BRD1: variants seen among roughly 807,000 people sequenced by gnomAD.
BRD1 encodes bromodomain containing 1, also known as bromodomain-containing protein 1.
Under a neutral mutation model 107.7 loss-of-function variants are expected in BRD1, and 24 were observed. The observed-to-expected ratio is 0.22, with a 90% CI of 0.16 to 0.31. The LOEUF (loss-of-function observed/expected upper bound fraction) is 0.31. BRD1 is among the 10% of genes least tolerant of loss of function. The probability of loss-of-function intolerance (pLI) is 1.00; values close to 1 mark genes in which losing one functional copy is unlikely to be tolerated. For missense variants in BRD1, 1,279 were observed against 1,638.6 expected, an observed-to-expected ratio of 0.78 and a Z score of 3.79; for synonymous variants, 744 against 686.1, an observed-to-expected ratio of 1.08 and a Z score of -1.32.
chr22:49,823,978 C>G lies in BRD1; in HGVS notation c.340G>C (p.Ala114Pro), dbSNP rs1384955780. The G allele has an allele frequency of 1.2e-6, 2 of 1,613,996 alleles. No homozygotes were observed. Among genetic ancestry groups the G allele is most frequent in the Non-Finnish European group, 1.7e-6 (2 of 1,180,026 alleles). ...LPSAHGTPAS[A>P]SALPEPKVRI... ...ACCTTGGGCTCCGGGAGGGCACTGG[C>G]CGAGGCCGGCGTGCCGTGGGCGCTG... is the stretch of plus-strand genomic sequence containing the variant. The change falls in exon 2 of 13, where the codon GCC becomes CCC. Residue 114 changes from alanine to proline, a missense_variant. By Grantham distance (27) the Ala-to-Pro change is conservative (BLOSUM62 -1). Coordinates refer to ENST00000404760, the MANE Select transcript of BRD1 (RefSeq NM_001304808.3).
rs746153327 is a variant in BRD1, at chr22:49,774,262, G to C, written c.3541C>G (p.Pro1181Ala). 1 of 1,614,016 alleles carries C rather than the reference G, an allele frequency of 6.2e-7. No individual in the cohort carries two copies. Among genetic ancestry groups the C allele is most frequent in the Non-Finnish European group, 8.5e-7 (1 of 1,179,934 alleles). ...MNHLSRVHGE[P>A]TSDLSDID ...TCAATGTCACTGAGGTCGCTGGTCG[G>C]CTCCCCGTGGACGCGGCTCAGGTGG... Residue 1181 changes from proline (P) to alanine (A), a missense_variant, in exon 13 of 13, where the codon CCG becomes GCG. Pro to Ala is a conservative substitution (Grantham distance 27, BLOSUM62 -1). This residue lies in a region of BRD1 where 136 missense variants were observed against 196.8 expected (regional missense o/e 0.69). Coordinates refer to ENST00000404760, the MANE Select transcript of BRD1 (RefSeq NM_001304808.3).
At chr22:49,820,249 T>C (rs1225879473) in intron 2 of BRD1, among the ~76,000 whole-genome samples, 1 of 152,358 alleles carries the variant, frequency 6.6e-6, no homozygotes, top group East Asian at 1.9e-4. Context: ...CCACAGGGAA[T>C]AAGGAAGATC....
Position 49,787,890 on chromosome 22 carries a change from GA to G in BRD1, c.2360-4del. On this transcript the variant is annotated splice_region_variant and splice_polypyrimidine_tract_variant and intron_variant, in intron 7 of 12. Transcript: ENST00000404760. ...AAGTTTAGGGGGAGATTTATCTCCT[GA>G]AAAAATTATAAATAAAGTGATTTTT... 3 of 1,498,236 alleles carry G rather than the reference GA, an allele frequency of 2.0e-6. 1 individual carries two copies. In the African/African-American group the frequency reaches 4.3e-5, roughly 21 times the overall value. 92.8% of individuals were successfully genotyped at this position (1,498,236 alleles called of 1,614,324 possible).
At chr22:49,816,655 T>G (rs1763705256) in intron 2 of BRD1, among the ~76,000 whole-genome samples, 2 of 152,122 alleles carry the variant, frequency 1.3e-5, no homozygotes, top group Non-Finnish European at 2.9e-5. Flanking sequence ...TCTCAACACT[T>G]TGGGAGGCCT....
At chr22:49,820,121 C>G (rs1329706334) in intron 2 of BRD1, among the ~76,000 whole-genome samples, 1 of 151,722 alleles carries the variant, frequency 6.6e-6, no homozygotes, top group African/African-American at 2.4e-5. Flanking sequence ...CAAAGCAAGA[C>G]TCCACCTCAA....
At chr22:49,781,082 C>A (rs1002334433) in intron 8 of BRD1, among the ~76,000 whole-genome samples, 1 of 152,168 alleles carries the variant, frequency 6.6e-6, no homozygotes, top group Non-Finnish European at 1.5e-5. Flanking sequence ...CAGGAAAGAG[C>A]CGCTGCCCCA....
At chr22:49,796,284 C>T (rs1328414738) in intron 6 of BRD1, among the ~76,000 whole-genome samples, 2 of 151,584 alleles carry the variant, frequency 1.3e-5, no homozygotes, top group East Asian at 3.9e-4. Flanking sequence ...TTAGTACAGA[C>T]AGGGTTTCAC....
At chr22:49,808,991 C>T (rs1350638747) in intron 2 of BRD1, among the ~76,000 whole-genome samples, 3 of 151,882 alleles carry the variant, frequency 2.0e-5, no homozygotes, top group African/African-American at 7.3e-5. Context: ...TGATGGCACA[C>T]GCCCGTAATC....
intron 3 of BRD1, among the ~76,000 whole-genome samples, chr22:49,802,790 C>G (rs886314181): frequency 2.0e-5 from 3 of 152,262 alleles, no homozygotes; most frequent in Admixed American, 1.3e-4. Flanking sequence ...CCGTGCTGTC[C>G]TTTCCAGGAG....
intron 2 of BRD1, 65 bp from the exon 3 acceptor site, chr22:49,804,425 G>C: frequency 2.0e-6 from 3 of 1,511,162 alleles, no homozygotes; most frequent in Non-Finnish European, 2.7e-6. Flanking sequence ...ACATAAACTA[G>C]AAATGACAGT....
intron 8 of BRD1, among the ~76,000 whole-genome samples, chr22:49,780,961 T>A (rs1601611038): frequency 6.6e-6 from 1 of 152,064 alleles, no homozygotes; most frequent in Non-Finnish European, 1.5e-5. Context: ...CTCTAAATCA[T>A]GTAAATAGCA....
Position 49,787,896 on chromosome 22 carries a change from A to T in BRD1, c.2360-9T>A. 2 of 1,495,304 alleles carry T rather than the reference A, an allele frequency of 1.3e-6. No individual in the cohort carries two copies. The highest frequency in any genetic ancestry group is 1.3e-5 in the South Asian group (1 of 76,700). 92.6% of individuals were successfully genotyped at this position (1,495,304 alleles called of 1,614,324 possible). A position where few individuals can be genotyped will look rare whatever the true frequency, so the allele number is the denominator to read the frequency against. Reference sequence around the variant, plus strand: ...AGGGGGAGATTTATCTCCTGAAAAAATTATAAATAAAGTGATTTTTGAAAA... The same window carrying T: ...AGGGGGAGATTTATCTCCTGAAAAATTTATAAATAAAGTGATTTTTGAAAA... On this transcript the variant is annotated splice_polypyrimidine_tract_variant and intron_variant, in intron 7 of 12. Coordinates refer to ENST00000404760, the MANE Select transcript of BRD1 (RefSeq NM_001304808.3).
chr22:49,796,830 A>ACGATGGCGGGAACGTGGACCCCG (rs933023679), intron 6 of BRD1, among the ~76,000 whole-genome samples: 11 of 142,194 alleles, frequency 7.7e-5, no homozygotes, highest in African/African-American at 2.4e-4. Flanking sequence ...AGCGGACCCC[A>ACGATGGCGGGAACGTGGACCCCG]CGATGGCGGG....
intron 2 of BRD1, among the ~76,000 whole-genome samples, chr22:49,818,835 G>A (rs1017048657): frequency 5.3e-5 from 8 of 151,896 alleles, no homozygotes; most frequent in East Asian, 1.9e-4. Flanking sequence ...GTAGTGAGCC[G>A]AGATCGTGCC....
At chr22:49,801,926 G>A (rs904246993) in intron 3 of BRD1, among the ~76,000 whole-genome samples, 11 of 152,174 alleles carry the variant, frequency 7.2e-5, no homozygotes, top group Non-Finnish European at 1.5e-4. Context: ...TCTGGCCCTC[G>A]TGTCCCAGCT....
At chr22:49,797,051 T>C (rs555134396) in intron 6 of BRD1, among the ~76,000 whole-genome samples, 10 of 152,360 alleles carry the variant, frequency 6.6e-5, no homozygotes, top group South Asian at 6.2e-4. Flanking sequence ...GCTGGAGCTC[T>C]ATGTGCTTTG....
Position 49,787,537 on chromosome 22 carries a change from G to A in BRD1, c.2710C>T (p.Pro904Ser). Residue 904 changes from proline to serine, a missense_variant, in exon 8 of 13, where the codon CCA becomes TCA. This residue lies in a region of BRD1 where 263 missense variants were observed against 251.6 expected (regional missense o/e 1.05). Transcript: ENST00000404760. ...TTGGTCCCTAGCTGAGGAGAAGTTG[G>A]CTGGGTTTCAGTGTTCTTGGCAGAC... is the stretch of plus-strand genomic sequence containing the variant. ...PKSAKNTETQ[P>S]TSPQLGTKTF... is the part of the protein sequence containing the mutation. The A allele has an allele frequency of 1.9e-6, 3 of 1,609,144 alleles. No individual in the cohort carries two copies. The highest frequency in any genetic ancestry group is 2.5e-6 in the Non-Finnish European group (3 of 1,177,632).
Position 49,774,373 on chromosome 22 carries a change from C to T in BRD1, c.3430G>A (p.Glu1144Lys), listed in dbSNP as rs1046139158. The T allele has an allele frequency of 9.3e-6, 15 of 1,613,764 alleles. No individual in the cohort carries two copies. The highest frequency in any genetic ancestry group is 1.7e-5 in the Admixed American group (1 of 59,974). Residue 1144 changes from glutamate to lysine, a missense_variant, in exon 13 of 13, where the codon GAA becomes AAA. Glu to Lys is a moderately conservative substitution (Grantham distance 56). Coordinates refer to ENST00000404760, the MANE Select transcript of BRD1 (RefSeq NM_001304808.3). The part of the protein sequence containing the change: ...KSKMVPLGID[E>K]TIDKLKMMEG... ...ATCATCTTTAACTTGTCTATAGTTT[C>T]GTCAATACCAAGGGGAACCATTTTG... is the stretch of plus-strand genomic sequence containing the variant.
rs2059124779 is a variant in BRD1 at position 49,777,552 on chromosome 22, TC to T, written c.2993+125del. 2.2e-6 allele frequency: 3 copies of T among 1,354,162 alleles called. No homozygotes were observed. In the African/African-American group the frequency reaches 4.3e-5, roughly 20 times the overall value. The allele number at this position is 1,354,162 out of a possible 1,614,324, so 83.9% of individuals were successfully genotyped here. On this transcript the variant is annotated intron_variant, in intron 9 of 12. Coordinates refer to ENST00000404760, the MANE Select transcript of BRD1 (RefSeq NM_001304808.3). ...TCCACAAGGGCAGAGCACACATGAA[TC>T]CCAGGCCAGAATTTTTCAGAGAACA...
Sources: gnomAD v4.1 joint callset for allele counts (sites outside exome capture counted in the v4.1 genomes callset) on GRCh38, gnomAD v4.1.1 for gene constraint, gnomAD v4.1.1 regional missense constraint, MANE v1.5 for transcripts, NCBI Gene and HGNC (gene_info 2026-07-23, HGNC 2026-07-21) for gene names.